The following TRPC5 variants were observed in gnomAD, a reference collection of about 807,000 sequenced individuals.
The protein encoded by TRPC5 is short transient receptor potential channel 5.
In TRPC5, 9 loss-of-function variants were observed where a neutral mutation model predicts 56.5. The observed-to-expected ratio is 0.16, with a 90% CI of 0.10 to 0.28. TRPC5 has a LOEUF of 0.28. TRPC5 is among the 10% of genes least tolerant of loss of function. The pLI is 1.00. For missense variants in TRPC5, 469 were observed against 748.9 expected (o/e 0.63, Z 4.36); for synonymous variants, 282 against 278.5 (o/e 1.01, Z -0.13).
chrX:111,973,291 A>G (rs1418054904), intron 1 of TRPC5, among the ~76,000 whole-genome samples: 1 of 112,010 alleles, frequency 8.9e-6, no homozygotes, highest in East Asian at 2.8e-4. Flanking sequence ...TTACTTAGCT[A>G]TGTACCATCC....
intron 7 of TRPC5, among the ~76,000 whole-genome samples, chrX:111,830,642 C>G (rs1354414040): frequency 3.6e-5 from 4 of 111,632 alleles, no homozygotes; most frequent in African/African-American, 1.3e-4. Context: ...GGCTCTTCCC[C>G]CTTCCCTCTC....
intron 1 of TRPC5, among the ~76,000 whole-genome samples, chrX:111,991,878 G>A (rs1440657537): frequency 9.0e-6 from 1 of 111,705 alleles, no homozygotes; most frequent in African/African-American, 3.3e-5. Context: ...AGGGTTTCAG[G>A]CTATCTAATA....
chrX:111,778,965 C>G lies in TRPC5; in HGVS notation c.2232+20G>C. Reference sequence around the variant, plus strand: ...TGCTTATGATATGTAAAATGAAAAACCACTTCATGATTAAATTACCTTAAA... The same window carrying G: ...TGCTTATGATATGTAAAATGAAAAAGCACTTCATGATTAAATTACCTTAAA... On this transcript the variant is annotated intron_variant, in intron 10 of 10. Coordinates refer to ENST00000262839, the MANE Select transcript of TRPC5 (RefSeq NM_012471.3). The G allele has an allele frequency of 1.8e-6, 2 of 1,105,782 alleles. No homozygotes were observed. Among genetic ancestry groups the G allele is most frequent in the Non-Finnish European group, 2.5e-6 (2 of 810,084 alleles). The allele number at this position is 1,105,782 out of a possible 1,213,427, so 91.1% of individuals were successfully genotyped here.
chrX:111,930,637 G>A (rs760493119), intron 2 of TRPC5: 1 of 111,554 alleles, frequency 9.0e-6, no homozygotes, highest in African/African-American at 3.3e-5. Flanking sequence ...TTTCTGAGCA[G>A]CAATGTGGCT....
chrX:111,923,423 A>C (rs1054194459), intron 2 of TRPC5, among the ~76,000 whole-genome samples: 2 of 112,006 alleles, frequency 1.8e-5, no homozygotes, highest in Non-Finnish European at 3.8e-5. Flanking sequence ...AAAATTCATG[A>C]CTAATTCCAT....
chrX:112,044,140 T>C (rs765038853), intron 1 of TRPC5, among the ~76,000 whole-genome samples: 10 of 111,887 alleles, frequency 8.9e-5, no homozygotes, highest in Admixed American at 1.9e-4. Context: ...TTAAAATAAG[T>C]ATATTTAAGT....
At chrX:111,964,109 C>T (rs1430649517) in intron 1 of TRPC5, among the ~76,000 whole-genome samples, 3 of 111,569 alleles carry the variant, frequency 2.7e-5, no homozygotes, top group South Asian at 3.8e-4. Flanking sequence ...CTAGAATAAC[C>T]AATGCAGAGA....
chrX:111,913,240 A>T (rs1925871437), intron 2 of TRPC5, among the ~76,000 whole-genome samples: 1 of 111,681 alleles, frequency 9.0e-6, no homozygotes. Flanking sequence ...ACTGGAGAAT[A>T]CAGAGAAGTA....
intron 1 of TRPC5, among the ~76,000 whole-genome samples, chrX:111,994,095 G>A (rs1928446887): frequency 9.0e-6 from 1 of 111,678 alleles, no homozygotes; most frequent in African/African-American, 3.3e-5. Context: ...TGTAAGTAAG[G>A]GATCCAGTTT....
At chrX:111,887,215 G>T (rs1350115840) in intron 3 of TRPC5, among the ~76,000 whole-genome samples, 1 of 112,627 alleles carries the variant, frequency 8.9e-6, no homozygotes, top group Non-Finnish European at 1.9e-5. Context: ...AGTGGGTAAT[G>T]CCAGAGGAAG....
chrX:112,049,891 C>T (rs899224029), intron 1 of TRPC5, among the ~76,000 whole-genome samples: 1 of 112,173 alleles, frequency 8.9e-6, no homozygotes, highest in Non-Finnish European at 1.9e-5. Context: ...ATATTAAAGG[C>T]TAGGCTGGGC....
chrX:111,901,321 T>C (rs947701514), intron 3 of TRPC5, among the ~76,000 whole-genome samples: 5 of 111,180 alleles, frequency 4.5e-5, no homozygotes, highest in African/African-American at 1.6e-4. Flanking sequence ...TACTCACTTT[T>C]CTCCCAAATC....
At chrX:111,925,827 C>T (rs1406371121) in intron 2 of TRPC5, among the ~76,000 whole-genome samples, 2 of 111,797 alleles carry the variant, frequency 1.8e-5, no homozygotes, top group East Asian at 5.6e-4. Context: ...CTTTTAAGCA[C>T]ATAGTGATGC....
At chrX:111,839,565 C>T (rs138216185) in intron 6 of TRPC5, among the ~76,000 whole-genome samples, 20 of 111,614 alleles carry the variant, frequency 1.8e-4, no homozygotes, top group Non-Finnish European at 3.0e-4. Flanking sequence ...ATACAGTTGT[C>T]CCTCGATATC....
chrX:111,814,935 T>C (rs1401976026), intron 7 of TRPC5, among the ~76,000 whole-genome samples: 2 of 111,439 alleles, frequency 1.8e-5, no homozygotes, highest in Non-Finnish European at 3.8e-5. Flanking sequence ...CCCATCCTCA[T>C]GTTCCCAATT....
intron 9 of TRPC5, among the ~76,000 whole-genome samples, chrX:111,780,342 G>A (rs1945910010): frequency 9.1e-6 from 1 of 109,797 alleles, no homozygotes; most frequent in East Asian, 2.8e-4. Context: ...TTTGATTAAA[G>A]TCATGTTGTA....
At chrX:111,942,132 A>G (rs1487296549) in intron 2 of TRPC5, among the ~76,000 whole-genome samples, 1 of 111,371 alleles carries the variant, frequency 9.0e-6, no homozygotes, top group African/African-American at 3.3e-5. Flanking sequence ...GTTCTCCCTT[A>G]GACACTCTAG....
At chrX:111,911,156 C>A (rs1430888637) in intron 3 of TRPC5, among the ~76,000 whole-genome samples, 1 of 94,636 alleles carries the variant, frequency 1.1e-5, no homozygotes, top group East Asian at 3.5e-4. Flanking sequence ...AAAAAGGGAC[C>A]AGATAAACAC....
intron 1 of TRPC5, among the ~76,000 whole-genome samples, chrX:112,026,969 A>G (rs765505488): frequency 5.1e-4 from 57 of 111,031 alleles, no homozygotes; most frequent in African/African-American, 1.7e-3. Flanking sequence ...ATTTGGGTCA[A>G]GGAGGACAAG....
Sources: gnomAD v4.1 joint callset for allele counts (sites outside exome capture counted in the v4.1 genomes callset) on GRCh38, gnomAD v4.1.1 for gene constraint, MANE v1.5 for transcripts, NCBI Gene and HGNC (gene_info 2026-07-23, HGNC 2026-07-21) for gene names.